The following CACNB2 variants were observed in gnomAD, a reference collection of about 807,000 sequenced individuals.
The protein encoded by CACNB2 is voltage-dependent L-type calcium channel subunit beta-2.
CACNB2 carries 42 observed loss-of-function variants against 73.3 expected under a neutral mutation model. The observed-to-expected ratio is 0.57, with a 90% CI of 0.45 to 0.74. CACNB2 has a LOEUF of 0.74. Ranked by LOEUF, CACNB2 falls within the 30% of genes least tolerant of loss-of-function variation. The probability of loss-of-function intolerance (pLI) is 0.00; values close to 1 mark genes in which losing one functional copy is unlikely to be tolerated. For missense variants in CACNB2, 940 were observed against 853.0 expected (o/e 1.10, Z -1.27); for synonymous variants, 348 against 310.3 (o/e 1.12, Z -1.28).
chr10:18,478,376 A>C (rs1362147881), intron 3 of CACNB2, among the ~76,000 whole-genome samples: 1 of 152,208 alleles, frequency 6.6e-6, no homozygotes, highest in Non-Finnish European at 1.5e-5. Context: ...TCCCTTAAGA[A>C]TTGTCTCCAA....
intron 9 of CACNB2, 141 bp downstream of exon 9, chr10:18,519,109 C>T (rs2051575931): frequency 4.0e-6 from 3 of 756,878 alleles, no homozygotes; most frequent in South Asian, 1.4e-5. Context: ...TCAATTTAAT[C>T]TGATTCAATC....
chr10:18,191,240 C>T (rs975688207), intron 2 of CACNB2, among the ~76,000 whole-genome samples: 3 of 152,332 alleles, frequency 2.0e-5, no homozygotes, highest in Non-Finnish European at 4.4e-5. Flanking sequence ...GTAGCCATTC[C>T]TATCTATATT....
At chr10:18,314,420 A>C (rs897964156) in intron 2 of CACNB2, among the ~76,000 whole-genome samples, 4 of 152,294 alleles carry the variant, frequency 2.6e-5, no homozygotes, top group African/African-American at 7.2e-5. Flanking sequence ...TCTGAGACTG[A>C]GTTATCAATA....
intron 3 of CACNB2, among the ~76,000 whole-genome samples, chr10:18,450,131 G>A (rs1015122611): frequency 2.6e-5 from 4 of 152,146 alleles, no homozygotes; most frequent in Non-Finnish European, 4.4e-5. Flanking sequence ...AAAACTATCC[G>A]GTTAATGTGC....
chr10:18,277,692 C>T (rs557218149), intron 2 of CACNB2, among the ~76,000 whole-genome samples: 6 of 152,270 alleles, frequency 3.9e-5, no homozygotes, highest in Non-Finnish European at 7.4e-5. Flanking sequence ...TACACTTATT[C>T]GTTTAATCAA....
At chr10:18,416,509 TG>T (rs1398924045) in intron 3 of CACNB2, among the ~76,000 whole-genome samples, 1 of 152,160 alleles carries the variant, frequency 6.6e-6, no homozygotes, top group Non-Finnish European at 1.5e-5. Context: ...CTCCACCTCC[TG>T]GGTTCAAAGG....
intron 2 of CACNB2, among the ~76,000 whole-genome samples, chr10:18,159,594 C>A (rs1047218484): frequency 5.3e-5 from 8 of 152,120 alleles, no homozygotes; most frequent in Non-Finnish European, 2.9e-5. Flanking sequence ...CAAATTCCGT[C>A]GTCTCTCAGT....
chr10:18,267,402 T>G (rs899180575), intron 2 of CACNB2, among the ~76,000 whole-genome samples: 3 of 152,270 alleles, frequency 2.0e-5, no homozygotes, highest in Admixed American at 2.0e-4. Context: ...GGTCGGGATT[T>G]CAAGACCAGC....
intron 2 of CACNB2, among the ~76,000 whole-genome samples, chr10:18,242,718 C>T (rs2036703208): frequency 2.0e-5 from 3 of 151,890 alleles, no homozygotes; most frequent in African/African-American, 7.3e-5. Context: ...GGCGCAGTGG[C>T]TCATGCCTGT....
At chr10:18,513,684 T>G in intron 6 of CACNB2, 1 of 199,882 alleles carries the variant, frequency 5.0e-6, no homozygotes, top group Admixed American at 5.3e-5. Context: ...AAACAGCAAG[T>G]AATAAGTCAT....
At chr10:18,328,497 A>G (rs1036918521) in intron 2 of CACNB2, among the ~76,000 whole-genome samples, 7 of 152,220 alleles carry the variant, frequency 4.6e-5, no homozygotes, top group African/African-American at 1.2e-4. Context: ...TCACTGTTCT[A>G]TAAGTATAAC....
In CACNB2 at chr10:18,258,764, A is replaced by C. The variant is rs547444822; in HGVS notation, c.213+107789A>C. 3.0e-3 allele frequency among the ~76,000 whole-genome samples: 451 copies of C among 152,240 alleles called. 4 individuals are homozygous for C. The highest frequency in any genetic ancestry group is 0.01 in the African/African-American group (422 of 41,546). On this transcript the variant is annotated intron_variant, in intron 2 of 13. Transcript: ENST00000324631. ...ACAAGCAAACAAAAAACAAAAAAAAACTTGAATTTGAATTATGTGTTCTTT... is the reference window on the plus strand; with the variant it reads ...ACAAGCAAACAAAAAACAAAAAAAACCTTGAATTTGAATTATGTGTTCTTT...
Position 18,140,446 on chromosome 10 carries a change from G to C in CACNB2, c.-291G>C, listed in dbSNP as rs1016248284. On this transcript the variant is annotated 5_prime_UTR_variant, in exon 1 of 14. Transcript: ENST00000324631. ...CCCGCCGCGCTGCGCCCGCTCTCCC[G>C]GCCCCGGCTGCCCCGCTGAGGGCTC... is the stretch of plus-strand genomic sequence containing the variant. Among the ~76,000 whole-genome samples, 14 of 151,786 alleles carry C rather than the reference G, an allele frequency of 9.2e-5. 1 individual carries two copies. In the East Asian group the frequency reaches 1.2e-3, roughly 13 times the overall value.
At chr10:18,245,084 A>AT (rs11400611) in intron 2 of CACNB2, among the ~76,000 whole-genome samples, 60,002 of 149,652 alleles carry the variant, frequency 0.4, 13,642 homozygotes, top group Non-Finnish European at 0.51. Flanking sequence ...ACAGCCTTGG[A>AT]TTTTTTTTTT....
At chr10:18,327,966 A>T (rs376779763) in intron 2 of CACNB2, among the ~76,000 whole-genome samples, 24 of 152,290 alleles carry the variant, frequency 1.6e-4, no homozygotes, top group African/African-American at 5.5e-4. Context: ...ACATATCAGA[A>T]GTGTCAAATT....
chr10:18,143,476 C>A (rs1449871549), intron 1 of CACNB2, among the ~76,000 whole-genome samples: 1 of 152,186 alleles, frequency 6.6e-6, no homozygotes, highest in African/African-American at 2.4e-5. Flanking sequence ...ATTTTAAAAG[C>A]AAGTTTAAGA....
At chr10:18,487,244 C>T (rs2049112420) in intron 3 of CACNB2, among the ~76,000 whole-genome samples, 1 of 152,190 alleles carries the variant, frequency 6.6e-6, no homozygotes, top group African/African-American at 2.4e-5. Context: ...CCAGGTTGCA[C>T]ATGCCTGGCC....
At chr10:18,460,202 C>G (rs2047494661) in intron 3 of CACNB2, among the ~76,000 whole-genome samples, 1 of 152,072 alleles carries the variant, frequency 6.6e-6, no homozygotes, top group Admixed American at 6.6e-5. Context: ...TGTTTTAATT[C>G]ATGTTTTACC....
At chr10:18,396,893 C>A (rs1282966180) in intron 2 of CACNB2, among the ~76,000 whole-genome samples, 1 of 152,148 alleles carries the variant, frequency 6.6e-6, no homozygotes, top group Non-Finnish European at 1.5e-5. Context: ...TGAGTTATAG[C>A]TTTGTCTAGA....
Sources: allele counts gnomAD v4.1 joint callset (sites outside exome capture counted in the v4.1 genomes callset), GRCh38; gene constraint gnomAD v4.1.1; transcripts MANE v1.5; gene names NCBI Gene and HGNC (gene_info 2026-07-23, HGNC 2026-07-21).